The following YPEL2 variants were observed in gnomAD, a reference collection of about 807,000 sequenced individuals.
YPEL2 encodes the protein protein yippee-like 2.
A neutral mutation model predicts 19.1 loss-of-function variants in YPEL2; 2 were observed. The observed-to-expected ratio is 0.10, with a 90% CI of 0.04 to 0.33. The LOEUF (loss-of-function observed/expected upper bound fraction) is 0.33. Among genes scored for constraint, YPEL2 ranks in the 10% least tolerant of loss-of-function variants. The probability of loss-of-function intolerance (pLI) is 1.00; values close to 1 mark genes in which losing one functional copy is unlikely to be tolerated. For synonymous variants in YPEL2, 52 were observed against 50.0 expected (o/e 1.04, Z -0.17); for missense variants, 66 against 140.7 (o/e 0.47, Z 2.68).
At chr17:59,375,475 ATCAT>A (rs1475751537) in intron 2 of YPEL2, among the ~76,000 whole-genome samples, 1 of 152,160 alleles carries the variant, frequency 6.6e-6, no homozygotes, top group Non-Finnish European at 1.5e-5. Flanking sequence ...TTAAATTAGA[ATCAT>A]TCATTCAGTC....
chr17:59,387,404 T>C (rs891070394), intron 2 of YPEL2, among the ~76,000 whole-genome samples: 1 of 152,080 alleles, frequency 6.6e-6, no homozygotes, highest in African/African-American at 2.4e-5. Context: ...TGGTCATCTG[T>C]TAGCCACTCA....
chr17:59,359,073 A>G (rs931838815), intron 2 of YPEL2, among the ~76,000 whole-genome samples: 1 of 151,754 alleles, frequency 6.6e-6, no homozygotes, highest in African/African-American at 2.4e-5. Flanking sequence ...ACAGGTGCAC[A>G]TAACCACACC....
chr17:59,333,729 T>C (rs2047684295), intron 1 of YPEL2, among the ~76,000 whole-genome samples: 1 of 152,228 alleles, frequency 6.6e-6, no homozygotes, highest in African/African-American at 2.4e-5. Context: ...GCAGAGGTCC[T>C]CAAACTTAAA....
intron 2 of YPEL2, chr17:59,366,127 C>T (rs910787244): frequency 2.2e-5 from 3 of 133,898 alleles, no homozygotes; most frequent in Non-Finnish European, 3.3e-5. Context: ...GTGACCTTAG[C>T]GTCCCAGCAG....
At position 59,398,625 on chromosome 17, in the gene YPEL2, C is replaced by CT. The variant is rs773909470; in HGVS notation, c.*1436dup. 1.3e-5 allele frequency: 2 copies of CT among 152,196 alleles called. No individual in the cohort carries two copies. Among genetic ancestry groups the CT allele is most frequent in the Non-Finnish European group, 2.9e-5 (2 of 68,046 alleles). The allele number at this position is 152,196 out of a possible 1,614,324, so 9.4% of individuals were successfully genotyped here. Reference sequence around the variant, plus strand: ...TTACATTTAATCAACACTGTGAAGTCTGTTCTACAGCAATTCAGCCATTAC... The same window carrying CT: ...TTACATTTAATCAACACTGTGAAGTCTTGTTCTACAGCAATTCAGCCATTAC... On this transcript the variant is annotated 3_prime_UTR_variant, in exon 5 of 5. Transcript: ENST00000312655.
At chr17:59,373,588 G>T (rs2047907011) in intron 2 of YPEL2, among the ~76,000 whole-genome samples, 1 of 152,172 alleles carries the variant, frequency 6.6e-6, no homozygotes, top group Admixed American at 6.5e-5. Flanking sequence ...GCCCAGCAAG[G>T]CTCCGGACAT....
At position 59,331,732 on chromosome 17, in the gene YPEL2, G is replaced by C. The variant is rs1371869070; in HGVS notation, c.-288G>C. 6.6e-6 allele frequency: 1 copy of C among 152,230 alleles called. No homozygotes were observed. Among genetic ancestry groups the C allele is most frequent in the South Asian group, 2.1e-4 (1 of 4,838 alleles). The allele number at this position is 152,230 out of a possible 1,614,324, so 9.4% of individuals were successfully genotyped here. On this transcript the variant is annotated 5_prime_UTR_variant, in exon 1 of 5. Coordinates refer to ENST00000312655, the MANE Select transcript of YPEL2 (RefSeq NM_001005404.4). ...GAGACTGTGGCTTTAAGAGCGTGCCGGGAGCCCGAGCCCCAGCCGGGCCGC... is the reference window on the plus strand; with the variant it reads ...GAGACTGTGGCTTTAAGAGCGTGCCCGGAGCCCGAGCCCCAGCCGGGCCGC...
At chr17:59,363,357 C>T in intron 2 of YPEL2, 1 of 152,108 alleles carries the variant, frequency 6.6e-6, no homozygotes, top group East Asian at 1.9e-4. Context: ...GCCCAAGCTG[C>T]AGTGCAGTGG....
At chr17:59,339,152 T>G (rs1015247210) in intron 1 of YPEL2, among the ~76,000 whole-genome samples, 1 of 143,250 alleles carries the variant, frequency 7.0e-6, no homozygotes, top group Non-Finnish European at 1.5e-5. Flanking sequence ...TTTTACCACT[T>G]CGGTCTTTGT....
At chr17:59,335,658 C>G (rs888845939) in intron 1 of YPEL2, among the ~76,000 whole-genome samples, 4 of 152,122 alleles carry the variant, frequency 2.6e-5, no homozygotes, top group African/African-American at 4.8e-5. Flanking sequence ...AAGTGATTCT[C>G]CTGCCTCAGC....
chr17:59,367,955 G>T (rs1366902814), intron 2 of YPEL2, among the ~76,000 whole-genome samples: 1 of 152,136 alleles, frequency 6.6e-6, no homozygotes, highest in East Asian at 1.9e-4. Flanking sequence ...CTCCAGACCT[G>T]GCTTTGTGCT....
intron 4 of YPEL2, among the ~76,000 whole-genome samples, chr17:59,389,753 C>T (rs1273671410): frequency 6.6e-6 from 1 of 151,200 alleles, no homozygotes; most frequent in African/African-American, 2.4e-5. Flanking sequence ...GCCAGGCATG[C>T]ATCAGCAGCC....
chr17:59,336,825 C>T (rs1329418144), intron 1 of YPEL2, among the ~76,000 whole-genome samples: 1 of 152,148 alleles, frequency 6.6e-6, no homozygotes, highest in Non-Finnish European at 1.5e-5. Flanking sequence ...CCACTTACAT[C>T]TATTTGAACT....
At chr17:59,388,246 C>A in intron 2 of YPEL2, 81 bp from the exon 3 acceptor site, 1 of 1,392,654 alleles carries the variant, frequency 7.2e-7, no homozygotes, top group Non-Finnish European at 1.0e-6. Flanking sequence ...GAAGGTCATG[C>A]TTAACTGTGA....
chr17:59,358,355 G>T (rs1303472781), intron 2 of YPEL2, among the ~76,000 whole-genome samples: 1 of 152,144 alleles, frequency 6.6e-6, no homozygotes, highest in African/African-American at 2.4e-5. Context: ...GTCAGGGAGT[G>T]AGATGTTCTG....
chr17:59,386,865 C>G (rs1328887607), intron 2 of YPEL2, among the ~76,000 whole-genome samples: 20 of 152,182 alleles, frequency 1.3e-4, no homozygotes, highest in Non-Finnish European at 2.9e-5. Flanking sequence ...GAATATCTGC[C>G]TGCCCCTTGC....
intron 2 of YPEL2, among the ~76,000 whole-genome samples, chr17:59,376,218 TTTG>T (rs372229779): frequency 2.0e-5 from 3 of 152,112 alleles, no homozygotes; most frequent in African/African-American, 7.2e-5. Flanking sequence ...TGATTGTGGG[TTTG>T]TTGTTGTTGT....
At chr17:59,377,983 A>G (rs1000040539) in intron 2 of YPEL2, among the ~76,000 whole-genome samples, 5 of 152,206 alleles carry the variant, frequency 3.3e-5, no homozygotes, top group African/African-American at 1.2e-4. Flanking sequence ...ATAGGGCGTT[A>G]TTGAATCGGC....
At chr17:59,342,880 C>CCTAG (rs2047738660) in intron 1 of YPEL2, among the ~76,000 whole-genome samples, 1 of 152,164 alleles carries the variant, frequency 6.6e-6, no homozygotes, top group Non-Finnish European at 1.5e-5. Context: ...GAAGAAGACT[C>CCTAG]CTAGGTTGGA....
Sources: gnomAD v4.1 joint callset for allele counts (sites outside exome capture counted in the v4.1 genomes callset) on GRCh38, gnomAD v4.1.1 for gene constraint, MANE v1.5 for transcripts, NCBI Gene and HGNC (gene_info 2026-07-23, HGNC 2026-07-21) for gene names.